The following SLC24A3 variants were observed in gnomAD, a reference collection of about 807,000 sequenced individuals.
SLC24A3 encodes sodium/potassium/calcium exchanger 3.
SLC24A3 carries 28 observed loss-of-function variants against 75.8 expected under a neutral mutation model. The observed-to-expected ratio is 0.37, with a 90% CI of 0.27 to 0.51. The LOEUF is 0.51. Among genes scored for constraint, SLC24A3 ranks in the 20% least tolerant of loss-of-function variants. The pLI, the probability that SLC24A3 is intolerant of heterozygous loss-of-function variation, is 0.94. For synonymous variants in SLC24A3, 372 were observed against 334.1 expected (o/e 1.11, Z -1.24); for missense variants, 663 against 847.8 (o/e 0.78, Z 2.71).
At chr20:19,323,205 C>CAA (rs1172583632) in intron 2 of SLC24A3, among the ~76,000 whole-genome samples, 1,058 of 60,786 alleles carry the variant, frequency 0.017, 34 homozygotes, top group African/African-American at 0.046. Context: ...GACTCCGTCT[C>CAA]AAAAAAAAAA....
intron 1 of SLC24A3, among the ~76,000 whole-genome samples, chr20:19,236,134 C>G (rs1479067856): frequency 6.6e-6 from 1 of 152,142 alleles, no homozygotes; most frequent in Non-Finnish European, 1.5e-5. Context: ...ATTGGGGAGC[C>G]ATGCTCTGTT....
At chr20:19,258,208 C>A (rs1466210198) in intron 1 of SLC24A3, among the ~76,000 whole-genome samples, 2 of 152,216 alleles carry the variant, frequency 1.3e-5, no homozygotes, top group East Asian at 3.9e-4. Context: ...AGGCGGGCAC[C>A]TTTGCTGCCT....
chr20:19,558,998 C>G (rs2030832346), intron 3 of SLC24A3, among the ~76,000 whole-genome samples: 1 of 152,112 alleles, frequency 6.6e-6, no homozygotes, highest in Non-Finnish European at 1.5e-5. Flanking sequence ...TGGGTAAATA[C>G]CTGGGAGTGC....
At chr20:19,245,807 A>G (rs1366182332) in intron 1 of SLC24A3, among the ~76,000 whole-genome samples, 2 of 152,256 alleles carry the variant, frequency 1.3e-5, no homozygotes, top group East Asian at 1.9e-4. Flanking sequence ...ATTTAATAAC[A>G]TAGTCTCAAC....
intron 6 of SLC24A3, among the ~76,000 whole-genome samples, chr20:19,630,974 C>A (rs183961179): frequency 3.3e-5 from 5 of 152,324 alleles, no homozygotes; most frequent in African/African-American, 9.6e-5. Flanking sequence ...TTAACAACCA[C>A]CCTCATTATG....
At chr20:19,592,086 G>C (rs1160476868) in intron 6 of SLC24A3, among the ~76,000 whole-genome samples, 1 of 152,174 alleles carries the variant, frequency 6.6e-6, no homozygotes, top group Non-Finnish European at 1.5e-5. Context: ...TGGGATTCCA[G>C]GTGCCCCACA....
intron 6 of SLC24A3, among the ~76,000 whole-genome samples, chr20:19,586,028 T>C (rs2031290486): frequency 6.6e-6 from 1 of 152,094 alleles, no homozygotes; most frequent in African/African-American, 2.4e-5. Context: ...AGCATTTCAT[T>C]TCTCTATTAT....
intron 6 of SLC24A3, among the ~76,000 whole-genome samples, chr20:19,587,552 T>C (rs989328896): frequency 1.3e-5 from 2 of 152,196 alleles, no homozygotes; most frequent in Non-Finnish European, 2.9e-5. Flanking sequence ...CCTTCTGACT[T>C]TCCTGTCATG....
Position 19,606,139 on chromosome 20 carries a change from C to T in SLC24A3, c.612+20595C>T, listed in dbSNP as rs2031594827. 2.0e-5 allele frequency among the ~76,000 whole-genome samples: 3 copies of T among 152,218 alleles called. No individual in the cohort carries two copies. The South Asian group carries it at 6.2e-4, about 31-fold the overall frequency. On this transcript the variant is annotated intron_variant, in intron 6 of 16. Coordinates refer to ENST00000328041, the MANE Select transcript of SLC24A3 (RefSeq NM_020689.4). ...CTGTGGCAGCACACCCAAAACTGTG[C>T]TCAATAGATTCCTCTCCCTGAAAAT... is the stretch of plus-strand genomic sequence containing the variant.
chr20:19,462,875 A>C (rs1987701803), intron 2 of SLC24A3, among the ~76,000 whole-genome samples: 2 of 152,312 alleles, frequency 1.3e-5, no homozygotes, highest in South Asian at 4.1e-4. Context: ...GGGCTGGACT[A>C]TCTATCCCTG....
chr20:19,712,443 T>C (rs1339936901), intron 15 of SLC24A3, among the ~76,000 whole-genome samples: 1 of 151,988 alleles, frequency 6.6e-6, no homozygotes, highest in Non-Finnish European at 1.5e-5. Flanking sequence ...AATAGTGAAC[T>C]TGGAAGAGGC....
chr20:19,526,155 G>A (rs1023018288), intron 3 of SLC24A3, among the ~76,000 whole-genome samples: 2 of 152,176 alleles, frequency 1.3e-5, no homozygotes, highest in Non-Finnish European at 1.5e-5. Context: ...ACTGAGCCAT[G>A]AAGAGCAAGC....
intron 2 of SLC24A3, among the ~76,000 whole-genome samples, chr20:19,418,691 A>G (rs1012895607): frequency 2.6e-5 from 4 of 151,312 alleles, no homozygotes; most frequent in Non-Finnish European, 5.9e-5. Flanking sequence ...AATATATAAT[A>G]TAATAATATA....
chr20:19,427,847 T>C (rs2122447407), intron 2 of SLC24A3, among the ~76,000 whole-genome samples: 1 of 152,378 alleles, frequency 6.6e-6, no homozygotes, highest in Non-Finnish European at 1.5e-5. Context: ...AACAGGCTCT[T>C]CATTTCCAGA....
chr20:19,562,423 G>T (rs1460118907), intron 3 of SLC24A3, among the ~76,000 whole-genome samples: 17 of 152,118 alleles, frequency 1.1e-4, no homozygotes, highest in African/African-American at 4.1e-4. Context: ...AGGTACCAAG[G>T]TTTCCCTGGA....
At chr20:19,364,484 G>A (rs1985849184) in intron 2 of SLC24A3, among the ~76,000 whole-genome samples, 1 of 151,086 alleles carries the variant, frequency 6.6e-6, no homozygotes, top group African/African-American at 2.5e-5. Context: ...GAGATAGGGT[G>A]TCACTCTGTC....
intron 6 of SLC24A3, among the ~76,000 whole-genome samples, chr20:19,641,805 T>C (rs191431475): frequency 3.3e-4 from 51 of 152,320 alleles, no homozygotes; most frequent in Middle Eastern, 6.8e-3. Flanking sequence ...GATTCCAATG[T>C]ACAGCCAAAG....
At chr20:19,531,610 G>A (rs1236576601) in intron 3 of SLC24A3, among the ~76,000 whole-genome samples, 3 of 152,214 alleles carry the variant, frequency 2.0e-5, no homozygotes, top group African/African-American at 7.2e-5. Flanking sequence ...CAAACTGTTT[G>A]TATTGTGGTT....
intron 1 of SLC24A3, among the ~76,000 whole-genome samples, chr20:19,253,396 G>A (rs1251564029): frequency 1.3e-5 from 2 of 152,250 alleles, no homozygotes; most frequent in Admixed American, 1.3e-4. Context: ...CCCTTGCCAA[G>A]CGTTACCCCT....
Sources: gnomAD v4.1 joint callset for allele counts (sites outside exome capture counted in the v4.1 genomes callset) on GRCh38, gnomAD v4.1.1 for gene constraint, MANE v1.5 for transcripts, NCBI Gene and HGNC (gene_info 2026-07-23, HGNC 2026-07-21) for gene names.